The following NEXMIF variants were observed in gnomAD, a reference collection of about 807,000 sequenced individuals.
NEXMIF encodes neurite extension and migration factor.
A neutral mutation model predicts 62.1 loss-of-function variants in NEXMIF; 8 were observed. That is an observed-to-expected ratio of 0.13 (90% CI 0.08 to 0.23). NEXMIF has a LOEUF of 0.23. Ranked by LOEUF, NEXMIF falls within the 10% of genes least tolerant of loss-of-function variation. The pLI is 1.00. For synonymous variants in NEXMIF, 404 were observed against 416.6 expected, an observed-to-expected ratio of 0.97 and a Z score of 0.37; for missense variants, 976 against 1,113.3, an observed-to-expected ratio of 0.88 and a Z score of 1.75.
chrX:74,900,442 AAC>A, intron 1 of NEXMIF, among the ~76,000 whole-genome samples: 1 of 102,924 alleles, frequency 9.7e-6, no homozygotes, highest in Non-Finnish European at 2.0e-5. Flanking sequence ...CCAGCCTGGC[AAC>A]AGAGTGAGAC....
intron 1 of NEXMIF, among the ~76,000 whole-genome samples, chrX:74,856,411 G>C (rs2080535133): frequency 8.9e-6 from 1 of 111,891 alleles, no homozygotes; most frequent in South Asian, 3.8e-4. Flanking sequence ...AAAACAAAGA[G>C]AGCCTAAGAG....
At chrX:74,847,332 A>G (rs2080495319) in intron 1 of NEXMIF, among the ~76,000 whole-genome samples, 1 of 112,021 alleles carries the variant, frequency 8.9e-6, no homozygotes, top group African/African-American at 3.2e-5. Flanking sequence ...TTGATAACAA[A>G]ATAAATATAG....
chrX:74,805,301 G>A (rs2080341746), intron 1 of NEXMIF, among the ~76,000 whole-genome samples: 1 of 111,716 alleles, frequency 9.0e-6, no homozygotes, highest in Non-Finnish European at 1.9e-5. Flanking sequence ...GGAATGATTG[G>A]TAAAGCCTTC....
chrX:74,823,687 CAGAG>C (rs957420056), intron 1 of NEXMIF, among the ~76,000 whole-genome samples: 2 of 90,710 alleles, frequency 2.2e-5, no homozygotes, highest in East Asian at 4.9e-4. Context: ...CAGAAAGAGA[CAGAG>C]AAAGACAGAT....
In NEXMIF at chrX:74,834,334, T is replaced by C. The variant is rs190466214; in HGVS notation, c.-47-88637A>G. Among the ~76,000 whole-genome samples the C allele has an allele frequency of 3.4e-3, 379 of 111,092 alleles. 2 individuals are homozygous for C. The highest frequency in any genetic ancestry group is 0.012 in the African/African-American group (361 of 30,611). ...ATCTTTCTACTTATGATAAGGGTAG[T>C]TAAAATACCATAATTATATCATTAT... On this transcript the variant is annotated intron_variant, in intron 1 of 3. Coordinates refer to ENST00000055682, the MANE Select transcript of NEXMIF (RefSeq NM_001008537.3).
chrX:74,871,641 T>C (rs1344004566), intron 1 of NEXMIF, among the ~76,000 whole-genome samples: 1 of 111,229 alleles, frequency 9.0e-6, no homozygotes, highest in African/African-American at 3.3e-5. Flanking sequence ...CATTCCTTCC[T>C]GAGGGTTACT....
chrX:74,846,398 C>A (rs1030620791), intron 1 of NEXMIF, among the ~76,000 whole-genome samples: 1 of 111,947 alleles, frequency 8.9e-6, no homozygotes, highest in South Asian at 3.7e-4. Flanking sequence ...TAAACCTTCT[C>A]AAGACCACTC....
At chrX:74,793,039 G>C (rs1223854963) in intron 1 of NEXMIF, among the ~76,000 whole-genome samples, 1 of 108,730 alleles carries the variant, frequency 9.2e-6, no homozygotes, top group Non-Finnish European at 1.9e-5. Context: ...TGGTTATTTT[G>C]CTCGTTAGTT....
chrX:74,895,713 T>C (rs1366380714), intron 1 of NEXMIF, among the ~76,000 whole-genome samples: 1 of 110,524 alleles, frequency 9.0e-6, no homozygotes, highest in Non-Finnish European at 1.9e-5. Flanking sequence ...TGCTCTTACT[T>C]ATTTGTGGGA....
At chrX:74,827,070 C>G (rs1477558631) in intron 1 of NEXMIF, among the ~76,000 whole-genome samples, 1 of 112,440 alleles carries the variant, frequency 8.9e-6, no homozygotes, top group East Asian at 2.8e-4. Context: ...TAAGTAATCA[C>G]TTTTACATAA....
chrX:74,843,421 TTTTG>T (rs770085010), intron 1 of NEXMIF, among the ~76,000 whole-genome samples: 3 of 109,950 alleles, frequency 2.7e-5, no homozygotes, highest in Admixed American at 9.7e-5. Flanking sequence ...TGCTTTTTTT[TTTTG>T]TTTGTTTGAG....
intron 1 of NEXMIF, among the ~76,000 whole-genome samples, chrX:74,837,486 CT>C (rs999712762): frequency 8.9e-6 from 1 of 112,142 alleles, no homozygotes; most frequent in African/African-American, 3.2e-5. Context: ...ATATTACCTC[CT>C]AACAGAAGAC....
chrX:74,871,164 C>T (rs749128738), intron 1 of NEXMIF, among the ~76,000 whole-genome samples: 12 of 111,214 alleles, frequency 1.1e-4, no homozygotes, highest in East Asian at 5.7e-4. Flanking sequence ...CCCTAAGTGT[C>T]GGCCGGTCTG....
At chrX:74,790,970 CCTT>C (rs1327694296) in intron 1 of NEXMIF, among the ~76,000 whole-genome samples, 1 of 110,847 alleles carries the variant, frequency 9.0e-6, no homozygotes, top group Non-Finnish European at 1.9e-5. Context: ...CCCTTTATCT[CCTT>C]CTCCTGCCTA....
At chrX:74,799,694 G>C (rs746295572) in intron 1 of NEXMIF, among the ~76,000 whole-genome samples, 1 of 110,977 alleles carries the variant, frequency 9.0e-6, no homozygotes, top group African/African-American at 3.3e-5. Context: ...GCACCGGCAC[G>C]ATCACGGCTC....
intron 1 of NEXMIF, among the ~76,000 whole-genome samples, chrX:74,834,378 G>A (rs2080449409): frequency 9.0e-6 from 1 of 110,896 alleles, no homozygotes; most frequent in Non-Finnish European, 1.9e-5. Context: ...GTGTTTTTCT[G>A]TGTACTTATT....
chrX:74,770,479 A>G (rs1340036744), intron 1 of NEXMIF, among the ~76,000 whole-genome samples: 2 of 112,306 alleles, frequency 1.8e-5, no homozygotes, highest in Admixed American at 9.5e-5. Context: ...GCATATTGAT[A>G]TATATGTTCA....
Position 74,743,417 on chromosome X carries a change from C to T in NEXMIF, c.1140G>A (p.Leu380=). Residue 380 remains leucine, a synonymous_variant, in exon 3 of 4, where the codon TTG becomes TTA. Transcript: ENST00000055682. ...CTTCCTCTTTGCCTTTCTTCTTGTCCAAGTTTTTATCTTCCTCCCCCCAGA... is the reference window on the plus strand; with the variant it reads ...CTTCCTCTTTGCCTTTCTTCTTGTCTAAGTTTTTATCTTCCTCCCCCCAGA... ...SIIWGEEDKN[L]DKKKGKEEGQ... The T allele has an allele frequency of 8.3e-7, 1 of 1,211,124 alleles. No homozygotes were observed. The highest frequency in any genetic ancestry group is 1.1e-6 in the Non-Finnish European group (1 of 895,355).
chrX:74,885,997 T>C (rs1162557297), intron 1 of NEXMIF, among the ~76,000 whole-genome samples: 8 of 111,639 alleles, frequency 7.2e-5, no homozygotes, highest in African/African-American at 9.8e-5. Context: ...GTTCAACATA[T>C]GCAAATCAAT....
Sources: gnomAD v4.1 joint callset for allele counts (sites outside exome capture counted in the v4.1 genomes callset) on GRCh38, gnomAD v4.1.1 for gene constraint, MANE v1.5 for transcripts, NCBI Gene and HGNC (gene_info 2026-07-23, HGNC 2026-07-21) for gene names.